CLUH: variants seen among roughly 807,000 people sequenced by gnomAD.
CLUH encodes CLUH binding protein of NUMT mRNA.
In CLUH, 77 loss-of-function variants were observed where a neutral mutation model predicts 139.3. The ratio of observed to expected loss-of-function variants is 0.55; its 90% CI spans 0.46 to 0.67. The LOEUF (loss-of-function observed/expected upper bound fraction) is 0.67. Ranked by LOEUF, CLUH falls within the 30% of genes least tolerant of loss-of-function variation. The pLI, the probability that CLUH is intolerant of heterozygous loss-of-function variation, is 0.00. For missense variants in CLUH, 1,876 were observed against 1,875.8 expected (o/e 1.00, Z 0.00); for synonymous variants, 999 against 801.6 (o/e 1.25, Z -4.16).
chr17:2,707,440 C>T lies in CLUH; in HGVS notation c.101-2876G>A, dbSNP rs530241174. The stretch of plus-strand genomic sequence containing the variant: ...TCCCGCTCAAGGTCGGCCAGAAGGA[C>T]GGCTGTGGGCCAGGAGAACCCGGTG... On this transcript the variant is annotated intron_variant, in intron 1 of 25. Transcript: ENST00000651024. The surrounding 1 kb of genome is among the most constrained non-coding windows in gnomAD (Gnocchi z 7.4). 10 of 985,404 alleles carry T rather than the reference C, an allele frequency of 1.0e-5. No homozygotes were observed. The Admixed American group carries it at 2.5e-4, about 24-fold the overall frequency. The allele number at this position is 985,404 out of a possible 1,614,324, so 61.0% of individuals were successfully genotyped here.
rs1460966974 is a variant in CLUH at position 2,703,834 on chromosome 17, C to A, written c.304-345G>T. Among the ~76,000 whole-genome samples the A allele has an allele frequency of 1.3e-5, 2 of 152,092 alleles. No individual in the cohort carries two copies. The highest frequency in any genetic ancestry group is 4.8e-5 in the African/African-American group (2 of 41,404). On this transcript the variant is annotated intron_variant, in intron 2 of 25. Transcript: ENST00000651024. This position sits in a 1 kb window ranked among gnomAD's most constrained non-coding sequence, Gnocchi z 4.2. ...GACGGCAGGCTCGCCCCCGGCCTTG[C>A]CCAGTGCTAAGGTGCCTGGGGCAAA... is the stretch of plus-strand genomic sequence containing the variant.
Position 2,704,511 on chromosome 17 carries a change from C to G in CLUH, c.154G>C (p.Glu52Gln). The change falls in exon 2 of 26, where the codon GAG becomes CAG. Residue 52 changes from glutamate to glutamine, a missense_variant. Around this residue, in one of 3 missense-constraint regions of CLUH, gnomAD observed 152 missense variants for 136.7 expected, o/e 1.11. Coordinates refer to ENST00000651024, the MANE Select transcript of CLUH (RefSeq NM_001366661.1). This position sits in a 1 kb window ranked among gnomAD's most constrained non-coding sequence, Gnocchi z 5.7. ...NGDCPESLKK[E>Q]AAAAEPPREN... is the part of the protein sequence containing the mutation. Reference sequence around the variant, plus strand: ...CTGGGTGGCTCGGCCGCCGCCGCCTCCTTCTTCAGGCTCTCTGGGCAGTCC... The same window carrying G: ...CTGGGTGGCTCGGCCGCCGCCGCCTGCTTCTTCAGGCTCTCTGGGCAGTCC... 6.3e-7 allele frequency: 1 copy of G among 1,584,154 alleles called. No individual in the cohort carries two copies. The highest frequency in any genetic ancestry group is 8.6e-7 in the Non-Finnish European group (1 of 1,165,482).
In CLUH at chr17:2,701,273, G is replaced by C; in HGVS notation, c.900-8C>G. The stretch of plus-strand genomic sequence containing the variant: ...AAGTGATAAGCTGTGGACCTGCAGG[G>C]AGAGGGCGGGCACTGAGCGGGGGCC... On this transcript the variant is annotated splice_polypyrimidine_tract_variant and splice_region_variant and intron_variant, in intron 6 of 25. Coordinates refer to ENST00000651024, the MANE Select transcript of CLUH (RefSeq NM_001366661.1). 1 of 1,611,258 alleles carries C rather than the reference G, an allele frequency of 6.2e-7. No individual in the cohort carries two copies. Among genetic ancestry groups the C allele is most frequent in the Non-Finnish European group, 8.5e-7 (1 of 1,178,736 alleles).
rs769550827 is a variant in CLUH at position 2,692,347 on chromosome 17, G to C, written c.3560+14C>G. On this transcript the variant is annotated intron_variant, in intron 22 of 25. Coordinates refer to ENST00000651024, the MANE Select transcript of CLUH (RefSeq NM_001366661.1). ...CCTCCGCCGGCCTTGGCGTTTGGAC[G>C]GGCGGCCCCTCACCTGAGGGCCACC... 2.3e-5 allele frequency: 35 copies of C among 1,545,950 alleles called. No individual in the cohort carries two copies. The South Asian group carries it at 3.5e-4, about 16-fold the overall frequency.
Position 2,698,027 on chromosome 17 carries a change from C to CG in CLUH, c.1829dup (p.Asp611GlyfsTer14), listed in dbSNP as rs2070030127. The CG allele has an allele frequency of 3.1e-6, 5 of 1,604,670 alleles. No homozygotes were observed. The highest frequency in any genetic ancestry group is 4.2e-6 in the Non-Finnish European group (5 of 1,178,884). On this transcript the variant is annotated frameshift_variant, in exon 10 of 26. Coordinates refer to ENST00000651024, the MANE Select transcript of CLUH (RefSeq NM_001366661.1). LOFTEE classifies it high-confidence loss of function. The stretch of plus-strand genomic sequence containing the variant: ...CAGGCACGGGCAGGAAGTTGAGGTC[C>CG]GGGGGGAAGGTGCGCAGCAGGTCGA...
At chr17:2,710,351 G>A (rs1164890308) in intron 1 of CLUH, among the ~76,000 whole-genome samples, 3 of 152,228 alleles carry the variant, frequency 2.0e-5, no homozygotes, top group East Asian at 1.9e-4. Context: ...CAGCAGTACT[G>A]CCCCAGCACC....
intron 12 of CLUH, 61 bp from the exon 13 acceptor site, chr17:2,696,320 C>T (rs575969475): frequency 1.5e-5 from 22 of 1,508,700 alleles, no homozygotes; most frequent in African/African-American, 2.8e-5. Flanking sequence ...CCGCCTGGCG[C>T]TGGCGGGGGA....
Position 2,692,596 on chromosome 17 carries a change from T to C in CLUH, c.3413A>G (p.Asp1138Gly), listed in dbSNP as rs767021925. The C allele has an allele frequency of 6.2e-7, 1 of 1,612,202 alleles. No individual in the cohort carries two copies. Among genetic ancestry groups the C allele is most frequent in the East Asian group, 2.2e-5 (1 of 44,838 alleles). The change falls in exon 21 of 26, where the codon GAC (aspartate) becomes GGC (glycine). Residue 1138 changes from aspartate (D) to glycine (G), a missense_variant. By Grantham distance (94) the Asp-to-Gly change is moderately conservative. This residue lies in a region of CLUH where 1,454 missense variants were observed against 1,384.4 expected (regional missense o/e 1.05). Coordinates refer to ENST00000651024, the MANE Select transcript of CLUH (RefSeq NM_001366661.1). Reference sequence around the variant, plus strand: ...GTCCAGCAGCGCCATCTCGGGGTGGTCTTCCCCGAACACCAGCAGCATGAG... The same window carrying C: ...GTCCAGCAGCGCCATCTCGGGGTGGCCTTCCCCGAACACCAGCAGCATGAG... Reference protein sequence around the residue: ...RYLMLLVFGEDHPEMALLDNN... With the variant: ...RYLMLLVFGEGHPEMALLDNN...
At chr17:2,692,886 G>T in intron 19 of CLUH, 26 bp from the exon 20 acceptor site, 1 of 1,550,010 alleles carries the variant, frequency 6.5e-7, no homozygotes. Context: ...GGTGGTTGCC[G>T]CGGCGTGGGA....
In CLUH at chr17:2,691,976, C is replaced by CCGCCACGCCA. The variant is rs2069688637; in HGVS notation, c.3654+27_3654+28insTGGCGTGGCG. On this transcript the variant is annotated intron_variant, in intron 23 of 25. Coordinates refer to ENST00000651024, the MANE Select transcript of CLUH (RefSeq NM_001366661.1). ...GCCCCGCCACGCCCCCGCCCCGCCC[C>CCGCCACGCCA]CGCCCCCGCCACGCCCCCGCCGCGC... 4 of 548,010 alleles carry CCGCCACGCCA rather than the reference C, an allele frequency of 7.3e-6. No individual in the cohort carries two copies. The African/African-American group carries it at 2.4e-4, about 33-fold the overall frequency. 33.9% of individuals were successfully genotyped at this position (548,010 alleles called of 1,614,324 possible).
chr17:2,693,837 G>GC (rs2069817678), intron 19 of CLUH, 63 bp downstream of exon 19: 4 of 1,537,944 alleles, frequency 2.6e-6, no homozygotes, highest in Non-Finnish European at 3.5e-6. Flanking sequence ...TCCGTCAGGG[G>GC]CCCCCTCACT....
In CLUH at chr17:2,695,436, G is replaced by C. The variant is rs200277514; in HGVS notation, c.2482C>G (p.Leu828Val). The C allele has an allele frequency of 1.5e-4, 241 of 1,612,324 alleles. No individual in the cohort carries two copies. The highest frequency in any genetic ancestry group is 1.9e-4 in the Non-Finnish European group (229 of 1,179,774). ...AGCACCAGCTCCAGCACCTTGCCCAGGTAGCGCATGTTGATGCCCCGCTGG... is the reference window on the plus strand; with the variant it reads ...AGCACCAGCTCCAGCACCTTGCCCACGTAGCGCATGTTGATGCCCCGCTGG... ...MRQRGINMRYLGKVLELVLRS... is the reference protein window; with the variant it reads ...MRQRGINMRYVGKVLELVLRS... The change falls in exon 14 of 26, where the codon CTG (leucine) becomes GTG (valine). Residue 828 changes from leucine to valine, a missense_variant. By Grantham distance (32) the Leu-to-Val change is conservative. Transcript: ENST00000651024.
Position 2,697,986 on chromosome 17 carries a change from T to A in CLUH, c.1871A>T (p.Glu624Val). Residue 624 changes from glutamate (E) to valine (V), a missense_variant, in exon 10 of 26, where the codon GAG becomes GTG. Around this residue, in one of 3 missense-constraint regions of CLUH, gnomAD observed 1,454 missense variants for 1,384.4 expected, o/e 1.05. Coordinates refer to ENST00000651024, the MANE Select transcript of CLUH (RefSeq NM_001366661.1). Reference sequence around the variant, plus strand: ...GGGGAAGCCGGCGCGGGCGCATTCCTCAGGCAGCTCCTCGCCAGGCACGGG... The same window carrying A: ...GGGGAAGCCGGCGCGGGCGCATTCCACAGGCAGCTCCTCGCCAGGCACGGG... ...FLPVPGEELP[E>V]ECARAGFPRA... The A allele has an allele frequency of 6.3e-7, 1 of 1,592,248 alleles. No homozygotes were observed. Among genetic ancestry groups the A allele is most frequent in the Non-Finnish European group, 8.5e-7 (1 of 1,174,422 alleles).
In CLUH at chr17:2,698,674, G is replaced by T. The variant is rs983451736; in HGVS notation, c.1267-84C>A. 7.0e-6 allele frequency: 9 copies of T among 1,289,356 alleles called. No homozygotes were observed. The African/African-American group carries it at 1.0e-4, about 15-fold the overall frequency. 79.9% of individuals were successfully genotyped at this position (1,289,356 alleles called of 1,614,324 possible). A position where few individuals can be genotyped will look rare whatever the true frequency, so the allele number is the denominator to read the frequency against. ...CTGGCCAAGCGCACGCACCTAGACC[G>T]CGGAGGCAACCGGGCCTGCCTTGGA... On this transcript the variant is annotated intron_variant, in intron 9 of 25. Transcript: ENST00000651024.
Position 2,695,485 on chromosome 17 carries a change from C to G in CLUH, c.2433G>C (p.Gly811=). 2 of 1,609,272 alleles carry G rather than the reference C, an allele frequency of 1.2e-6. No homozygotes were observed. Among genetic ancestry groups the G allele is most frequent in the Non-Finnish European group, 1.7e-6 (2 of 1,179,718 alleles). ...GGCGCATCACCTCTGCCAGCGTTGC[C>G]CCGTCCACGGGCAGGACCGCGTGCT... ...CMEHAVLPVD[G]ATLAEVMRQR... Residue 811 remains glycine, a synonymous_variant, in exon 14 of 26, where the codon GGG becomes GGC. Transcript: ENST00000651024.
At chr17:2,694,822 T>TACCAC in intron 16 of CLUH, 35 bp downstream of exon 16, 1 of 1,346,332 alleles carries the variant, frequency 7.4e-7, no homozygotes, top group Non-Finnish European at 1.0e-6. Flanking sequence ...ATCTGCCCAA[T>TACCAC]CCCACCCACC....
At position 2,706,919 on chromosome 17, in the gene CLUH, G is replaced by C. The variant is rs909853401; in HGVS notation, c.101-2355C>G. On this transcript the variant is annotated intron_variant, in intron 1 of 25. Coordinates refer to ENST00000651024, the MANE Select transcript of CLUH (RefSeq NM_001366661.1). The surrounding 1 kb of genome is among the most constrained non-coding windows in gnomAD (Gnocchi z 4.6). Reference sequence around the variant, plus strand: ...GTCTGGAATGGGAGGACAGAAAGGAGGGACGACAAGGCAAGGTGGCCGCGG... The same window carrying C: ...GTCTGGAATGGGAGGACAGAAAGGACGGACGACAAGGCAAGGTGGCCGCGG... 6.6e-6 allele frequency among the ~76,000 whole-genome samples: 1 copy of C among 152,210 alleles called. No homozygotes were observed. Among genetic ancestry groups the C allele is most frequent in the Non-Finnish European group, 1.5e-5 (1 of 68,024 alleles).
chr17:2,694,822 T>TCCCCC, intron 16 of CLUH, 35 bp downstream of exon 16: 3 of 1,346,332 alleles, frequency 2.2e-6, no homozygotes, highest in Non-Finnish European at 3.0e-6. Flanking sequence ...ATCTGCCCAA[T>TCCCCC]CCCACCCACC....
At chr17:2,708,724 C>T (rs1007890164) in intron 1 of CLUH, among the ~76,000 whole-genome samples, 4 of 151,918 alleles carry the variant, frequency 2.6e-5, no homozygotes, top group East Asian at 1.9e-4. Flanking sequence ...GACCTGCTCC[C>T]GCCGACCCGC....
Sources: gnomAD v4.1 joint callset for allele counts (sites outside exome capture counted in the v4.1 genomes callset) on GRCh38, gnomAD v4.1.1 for gene constraint, gnomAD v4.1.1 regional missense constraint, Gnocchi (gnomAD v3.1) non-coding constraint, MANE v1.5 for transcripts, NCBI Gene and HGNC (gene_info 2026-07-23, HGNC 2026-07-21) for gene names.